DLG2: variants seen among roughly 807,000 people sequenced by gnomAD.
DLG2 encodes discs large MAGUK scaffold protein 2, also known as disks large homolog 2.
In DLG2, 45 loss-of-function variants were observed where a neutral mutation model predicts 132.5. The observed-to-expected ratio is 0.34, with a 90% CI of 0.27 to 0.44. DLG2 has a LOEUF of 0.44. Ranked by LOEUF, DLG2 falls within the 20% of genes least tolerant of loss-of-function variation. The pLI, the probability that DLG2 is intolerant of heterozygous loss-of-function variation, is 1.00. For missense variants in DLG2, 1,045 were observed against 1,196.9 expected, an observed-to-expected ratio of 0.87 and a Z score of 1.87; for synonymous variants, 424 against 419.6, an observed-to-expected ratio of 1.01 and a Z score of -0.13.
chr11:84,970,583 T>C (rs2053969986), intron 6 of DLG2, among the ~76,000 whole-genome samples: 1 of 152,142 alleles, frequency 6.6e-6, no homozygotes, highest in Non-Finnish European at 1.5e-5. Flanking sequence ...CACTGTAACC[T>C]CACATAGCAG....
chr11:85,337,599 T>C (rs557558254), intron 3 of DLG2, among the ~76,000 whole-genome samples: 34 of 152,338 alleles, frequency 2.2e-4, no homozygotes, highest in African/African-American at 6.7e-4. Context: ...AAAACTTTAT[T>C]ATTACAGGTG....
intron 18 of DLG2, among the ~76,000 whole-genome samples, chr11:83,681,633 T>C (rs1408552492): frequency 6.6e-6 from 1 of 152,142 alleles, no homozygotes; most frequent in Non-Finnish European, 1.5e-5. Flanking sequence ...CATACTGAGT[T>C]TCACAATAAT....
At chr11:83,662,903 G>A (rs2074680376) in intron 18 of DLG2, among the ~76,000 whole-genome samples, 1 of 152,276 alleles carries the variant, frequency 6.6e-6, no homozygotes, top group Middle Eastern at 3.4e-3. Flanking sequence ...GTATCTTACA[G>A]TTTCCTCAGA....
intron 11 of DLG2, among the ~76,000 whole-genome samples, chr11:84,001,944 A>G (rs1282365869): frequency 1.3e-5 from 2 of 152,206 alleles, no homozygotes; most frequent in African/African-American, 2.4e-5. Flanking sequence ...CAGCAAAAGC[A>G]GTACTAAGAG....
At chr11:84,319,565 C>T (rs1394044455) in intron 7 of DLG2, among the ~76,000 whole-genome samples, 1 of 152,156 alleles carries the variant, frequency 6.6e-6, no homozygotes, top group Non-Finnish European at 1.5e-5. Context: ...GCATCCATCA[C>T]AACTTTGTAA....
chr11:85,261,421 T>C (rs985110356), intron 4 of DLG2, among the ~76,000 whole-genome samples: 1 of 151,364 alleles, frequency 6.6e-6, no homozygotes, highest in Non-Finnish European at 1.5e-5. Flanking sequence ...CAATGACAAG[T>C]CTTTGGCATT....
chr11:84,399,887 C>T (rs759331878), intron 7 of DLG2, among the ~76,000 whole-genome samples: 7 of 152,372 alleles, frequency 4.6e-5, no homozygotes, highest in Non-Finnish European at 5.9e-5. Context: ...TGGCCCACTA[C>T]GTTTGGCTGT....
intron 10 of DLG2, among the ~76,000 whole-genome samples, chr11:84,069,619 C>T (rs567414344): frequency 6.6e-6 from 1 of 152,314 alleles, no homozygotes; most frequent in South Asian, 2.1e-4. Flanking sequence ...GAAGCCATCT[C>T]CTACAGTGAA....
intron 7 of DLG2, among the ~76,000 whole-genome samples, chr11:84,482,033 C>T (rs2099139136): frequency 1.3e-5 from 2 of 152,124 alleles, no homozygotes; most frequent in Admixed American, 1.3e-4. Context: ...TTTTTCTTTA[C>T]CTTTATTTAT....
chr11:83,882,445 C>T (rs560668389), intron 15 of DLG2, among the ~76,000 whole-genome samples: 5 of 150,422 alleles, frequency 3.3e-5, no homozygotes, highest in Middle Eastern at 3.4e-3. Flanking sequence ...TGAAGAAAAA[C>T]ATTAAATCAA....
At chr11:85,489,340 A>G (rs540499825) in intron 3 of DLG2, among the ~76,000 whole-genome samples, 10 of 152,334 alleles carry the variant, frequency 6.6e-5, no homozygotes, top group African/African-American at 1.7e-4. Flanking sequence ...TAATAAAGGT[A>G]TCAACTCAGC....
intron 9 of DLG2, among the ~76,000 whole-genome samples, chr11:84,154,529 A>G (rs1311877282): frequency 6.6e-6 from 1 of 152,156 alleles, no homozygotes; most frequent in Admixed American, 6.5e-5. Flanking sequence ...TTTAAGTTCT[A>G]GGGTACATGT....
chr11:85,407,229 G>T (rs932320909), intron 3 of DLG2, among the ~76,000 whole-genome samples: 1 of 151,802 alleles, frequency 6.6e-6, no homozygotes, highest in Non-Finnish European at 1.5e-5. Context: ...GAAAAATTTT[G>T]CAAAATTTTT....
chr11:84,416,943 A>G (rs2098931782), intron 7 of DLG2, among the ~76,000 whole-genome samples: 1 of 152,222 alleles, frequency 6.6e-6, no homozygotes, highest in Non-Finnish European at 1.5e-5. Flanking sequence ...AATGGATTGC[A>G]ATTAGTTTAT....
At chr11:83,695,538 C>T (rs2081751454) in intron 18 of DLG2, among the ~76,000 whole-genome samples, 1 of 152,008 alleles carries the variant, frequency 6.6e-6, no homozygotes, top group Admixed American at 6.6e-5. Flanking sequence ...ACGTCAGGAG[C>T]TCGAGACCTG....
intron 6 of DLG2, among the ~76,000 whole-genome samples, chr11:85,088,297 G>A (rs2068257044): frequency 6.6e-6 from 1 of 152,084 alleles, no homozygotes; most frequent in African/African-American, 2.4e-5. Flanking sequence ...GAAGGTAATC[G>A]ACAGAATCAA....
At chr11:83,931,035 A>AT (rs769298797) in intron 14 of DLG2, among the ~76,000 whole-genome samples, 10 of 152,148 alleles carry the variant, frequency 6.6e-5, no homozygotes, top group Non-Finnish European at 1.3e-4. Context: ...AGCTAGGATC[A>AT]TTTTTTTCTT....
chr11:84,331,097 G>C lies in DLG2; in HGVS notation c.520-79806C>G, dbSNP rs1394883551. 2.6e-5 allele frequency among the ~76,000 whole-genome samples: 4 copies of C among 152,168 alleles called. No individual in the cohort carries two copies. In the East Asian group the frequency reaches 7.7e-4, roughly 29 times the overall value. On this transcript the variant is annotated intron_variant, in intron 7 of 27. Coordinates refer to ENST00000376104, the MANE Select transcript of DLG2 (RefSeq NM_001142699.3). ...AATTATATTTTCTCATACAAGTCCAGAAGCATCTGCAGTTTCTTGCAGCCA... is the reference window on the plus strand; with the variant it reads ...AATTATATTTTCTCATACAAGTCCACAAGCATCTGCAGTTTCTTGCAGCCA...
At chr11:85,071,145 C>T (rs1393088553) in intron 6 of DLG2, among the ~76,000 whole-genome samples, 1 of 151,892 alleles carries the variant, frequency 6.6e-6, no homozygotes, top group African/African-American at 2.4e-5. Context: ...TATCAGAACA[C>T]TGTCTAGCAC....
Sources: gnomAD v4.1 joint callset for allele counts (sites outside exome capture counted in the v4.1 genomes callset) on GRCh38, gnomAD v4.1.1 for gene constraint, MANE v1.5 for transcripts, NCBI Gene and HGNC (gene_info 2026-07-23, HGNC 2026-07-21) for gene names.